CNTNAP2: variants seen among roughly 807,000 people sequenced by gnomAD.
CNTNAP2 encodes contactin associated protein 2, also known as contactin-associated protein-like 2.
In CNTNAP2, 98 loss-of-function variants were observed where a neutral mutation model predicts 155.2. The observed-to-expected ratio is 0.63, with a 90% CI of 0.54 to 0.75. The LOEUF (loss-of-function observed/expected upper bound fraction) is 0.75, where lower values mean the gene tolerates loss of function less well. Among genes scored for constraint, CNTNAP2 ranks in the 30% least tolerant of loss-of-function variants. The probability of loss-of-function intolerance (pLI) is 0.00; values close to 1 mark genes in which losing one functional copy is unlikely to be tolerated. For synonymous variants in CNTNAP2, 651 were observed against 631.2 expected, an observed-to-expected ratio of 1.03 and a Z score of -0.47; for missense variants, 1,727 against 1,688.1, an observed-to-expected ratio of 1.02 and a Z score of -0.40.
At chr7:147,232,668 T>C (rs1229184170) in intron 8 of CNTNAP2, among the ~76,000 whole-genome samples, 2 of 152,218 alleles carry the variant, frequency 1.3e-5, no homozygotes, top group Non-Finnish European at 2.9e-5. Flanking sequence ...TATTATCCAA[T>C]GTAAAAAATT....
At chr7:147,478,437 G>A (rs779134424) in intron 10 of CNTNAP2, among the ~76,000 whole-genome samples, 45 of 152,298 alleles carry the variant, frequency 3.0e-4, no homozygotes, top group Non-Finnish European at 4.9e-4. Context: ...ACAGGTGTGA[G>A]CCACAGTGCC....
intron 1 of CNTNAP2, among the ~76,000 whole-genome samples, chr7:146,617,745 AC>A (rs1799249979): frequency 6.6e-6 from 1 of 152,230 alleles, no homozygotes; most frequent in Non-Finnish European, 1.5e-5. Context: ...AGTAATAGTG[AC>A]TAAAGTGAAA....
chr7:146,184,667 C>G (rs895064489), intron 1 of CNTNAP2, among the ~76,000 whole-genome samples: 3 of 152,178 alleles, frequency 2.0e-5, no homozygotes, highest in Admixed American at 6.5e-5. Context: ...ATTGGTACTT[C>G]ATGAAGGATG....
chr7:148,360,871 G>A (rs901761661), intron 21 of CNTNAP2, among the ~76,000 whole-genome samples: 11 of 150,084 alleles, frequency 7.3e-5, no homozygotes, highest in East Asian at 2.0e-4. Context: ...GTGCAGTGGC[G>A]TGATCTTGGC....
intron 8 of CNTNAP2, among the ~76,000 whole-genome samples, chr7:147,224,713 G>C (rs1803481556): frequency 6.6e-6 from 1 of 152,042 alleles, no homozygotes; most frequent in East Asian, 1.9e-4. Flanking sequence ...AAGTATGAAT[G>C]GGTGAAGTAT....
At chr7:146,488,619 G>GT (rs1797093809) in intron 1 of CNTNAP2, among the ~76,000 whole-genome samples, 1 of 151,846 alleles carries the variant, frequency 6.6e-6, no homozygotes. Flanking sequence ...GTTTGTTTCT[G>GT]TTTTTTGTTT....
intron 1 of CNTNAP2, among the ~76,000 whole-genome samples, chr7:146,176,137 G>T (rs900953789): frequency 5.3e-5 from 8 of 152,144 alleles, no homozygotes; most frequent in Admixed American, 1.3e-4. Context: ...TACTAGTAAA[G>T]AAATTATTTC....
intron 2 of CNTNAP2, among the ~76,000 whole-genome samples, chr7:146,821,356 C>T (rs1294748820): frequency 6.6e-6 from 1 of 152,024 alleles, no homozygotes; most frequent in African/African-American, 2.4e-5. Context: ...TTAGGGCAGG[C>T]CTGGTGGTGA....
intron 1 of CNTNAP2, among the ~76,000 whole-genome samples, chr7:146,352,867 G>C (rs1013910370): frequency 2.1e-5 from 3 of 144,372 alleles, no homozygotes; most frequent in Admixed American, 1.4e-4. Context: ...CCATTCTCCT[G>C]CCTCAGCCTC....
chr7:148,149,544 T>C (rs186477028), intron 17 of CNTNAP2, among the ~76,000 whole-genome samples: 55 of 152,058 alleles, frequency 3.6e-4, no homozygotes, highest in African/African-American at 1.3e-3. Flanking sequence ...AGGCTAGAAA[T>C]GTGCGTGTGT....
chr7:146,969,690 T>C (rs1211786880), intron 3 of CNTNAP2, among the ~76,000 whole-genome samples: 2 of 152,040 alleles, frequency 1.3e-5, no homozygotes, highest in African/African-American at 4.8e-5. Flanking sequence ...TCCTTTTATT[T>C]TGAGCCTATG....
At chr7:148,394,466 T>C (rs921254038) in intron 22 of CNTNAP2, among the ~76,000 whole-genome samples, 24 of 152,208 alleles carry the variant, frequency 1.6e-4, no homozygotes, top group Admixed American at 3.3e-4. Context: ...GAGTTTTTTT[T>C]CCCAGAATTT....
chr7:147,779,098 C>A (rs1797629448), intron 13 of CNTNAP2, among the ~76,000 whole-genome samples: 2 of 152,076 alleles, frequency 1.3e-5, no homozygotes, highest in African/African-American at 4.8e-5. Context: ...TGTAAGCAAT[C>A]CAACCATTTC....
chr7:147,838,324 T>C (rs1798665712), intron 13 of CNTNAP2, among the ~76,000 whole-genome samples: 1 of 152,208 alleles, frequency 6.6e-6, no homozygotes, highest in African/African-American at 2.4e-5. Flanking sequence ...TTCCCCATAG[T>C]CTTGGTGAAT....
chr7:146,934,108 T>C lies in CNTNAP2; in HGVS notation c.402+94204T>C, dbSNP rs1380194289. ...ATTACTGGGTATATACCCAAAGGAC[T>C]ATAAATCATGCTGCTATAAAGACAC... On this transcript the variant is annotated intron_variant, in intron 3 of 23. Coordinates refer to ENST00000361727, the MANE Select transcript of CNTNAP2 (RefSeq NM_014141.6). Among the ~76,000 whole-genome samples the C allele has an allele frequency of 2.0e-5, 3 of 152,088 alleles. No individual in the cohort carries two copies. In the East Asian group the frequency reaches 5.8e-4, roughly 29 times the overall value.
intron 1 of CNTNAP2, among the ~76,000 whole-genome samples, chr7:146,198,127 A>G (rs1040306143): frequency 2.6e-5 from 4 of 152,150 alleles, no homozygotes; most frequent in Non-Finnish European, 2.9e-5. Flanking sequence ...ACATGTGGGG[A>G]TGACAATTCG....
intron 13 of CNTNAP2, among the ~76,000 whole-genome samples, chr7:147,818,820 C>A (rs1798317179): frequency 6.6e-6 from 1 of 152,108 alleles, no homozygotes; most frequent in Non-Finnish European, 1.5e-5. Context: ...AAAATTAGAG[C>A]AAATCTCATT....
intron 3 of CNTNAP2, among the ~76,000 whole-genome samples, chr7:146,866,577 C>T (rs1216145582): frequency 1.3e-5 from 2 of 152,026 alleles, no homozygotes; most frequent in Non-Finnish European, 2.9e-5. Context: ...AAGGTATGTC[C>T]ATGACTTCAC....
At chr7:147,554,363 A>G (rs1799909409) in intron 11 of CNTNAP2, among the ~76,000 whole-genome samples, 1 of 151,486 alleles carries the variant, frequency 6.6e-6, no homozygotes, top group Non-Finnish European at 1.5e-5. Context: ...GCATTGCAAT[A>G]GTATGGATTA....
Sources: allele counts gnomAD v4.1 joint callset (sites outside exome capture counted in the v4.1 genomes callset), GRCh38; gene constraint gnomAD v4.1.1; transcripts MANE v1.5; gene names NCBI Gene and HGNC (gene_info 2026-07-23, HGNC 2026-07-21).